Variants in EGFR observed in about 807,000 individuals in gnomAD.
EGFR encodes the protein epidermal growth factor receptor.
EGFR carries 58 observed loss-of-function variants against 143.0 expected under a neutral mutation model. That is an observed-to-expected ratio of 0.41 (90% CI 0.33 to 0.50). The LOEUF (loss-of-function observed/expected upper bound fraction) is 0.50, where lower values mean the gene tolerates loss of function less well. Among genes scored for constraint, EGFR ranks in the 20% least tolerant of loss-of-function variants. The pLI, the probability that EGFR is intolerant of heterozygous loss-of-function variation, is 0.39. For synonymous variants in EGFR, 613 were observed against 594.4 expected (o/e 1.03, Z -0.45); for missense variants, 1,307 against 1,579.0 (o/e 0.83, Z 2.92).
intron 22 of EGFR, among the ~76,000 whole-genome samples, chr7:55,194,195 G>T (rs1787520993): frequency 6.7e-6 from 1 of 150,078 alleles, no homozygotes; most frequent in South Asian, 2.1e-4. Context: ...CCTCATCTAT[G>T]CTCCAGACAG....
At chr7:55,171,026 C>A (rs973247254) in intron 15 of EGFR, 149 bp from the exon 16 acceptor site, 69 of 1,494,702 alleles carry the variant, frequency 4.6e-5, no homozygotes, top group African/African-American at 9.8e-5. Context: ...AAATAATTAA[C>A]CACCAATCCA....
At chr7:55,194,520 A>G (rs73696597) in intron 22 of EGFR, among the ~76,000 whole-genome samples, 3,353 of 152,208 alleles carry the variant, frequency 0.022, 130 homozygotes, top group African/African-American at 0.075. Context: ...CAGACTTTTC[A>G]TTCTCTGCTC....
intron 20 of EGFR, chr7:55,182,007 C>T: frequency 5.0e-6 from 1 of 198,690 alleles, no homozygotes; most frequent in Non-Finnish European, 1.0e-5. Context: ...CAGGCTCGCT[C>T]CAGAGCCAGG....
rs1381365327 is a variant in EGFR, at chr7:55,099,158, G to C, written c.89-43128G>C. On this transcript the variant is annotated intron_variant, in intron 1 of 27. Transcript: ENST00000275493. The stretch of plus-strand genomic sequence containing the variant: ...ACATCGTGGTGGTGGCTTTCTCTGT[G>C]TTCCTCTGTTGATTCAGTCTCTGGA... Among the ~76,000 whole-genome samples, 3 of 152,176 alleles carry C rather than the reference G, an allele frequency of 2.0e-5. No individual in the cohort carries two copies. The East Asian group carries it at 5.8e-4, about 29-fold the overall frequency.
At chr7:55,078,556 T>A (rs1001553342) in intron 1 of EGFR, among the ~76,000 whole-genome samples, 1 of 152,190 alleles carries the variant, frequency 6.6e-6, no homozygotes, top group Non-Finnish European at 1.5e-5. Flanking sequence ...CTGACCTGCG[T>A]CCTTCCGCAC....
At chr7:55,198,081 G>A (rs1787694301) in intron 22 of EGFR, among the ~76,000 whole-genome samples, 1 of 152,116 alleles carries the variant, frequency 6.6e-6, no homozygotes, top group Admixed American at 6.5e-5. Context: ...AATGGTACCA[G>A]CTTTTTTTGT....
At chr7:55,165,102 A>G (rs1036841750) in intron 14 of EGFR, among the ~76,000 whole-genome samples, 178 bp from the exon 15 acceptor site, 1 of 152,236 alleles carries the variant, frequency 6.6e-6, no homozygotes, top group African/African-American at 2.4e-5. Flanking sequence ...TAAGCAACTA[A>G]CAGTGACCAT....
At chr7:55,050,948 C>A (rs930143672) in intron 1 of EGFR, among the ~76,000 whole-genome samples, 1 of 152,226 alleles carries the variant, frequency 6.6e-6, no homozygotes, top group African/African-American at 2.4e-5. Context: ...CTCCTGTGTG[C>A]CCACACAGCT....
intron 1 of EGFR, among the ~76,000 whole-genome samples, chr7:55,136,499 A>G (rs1398942023): frequency 1.3e-5 from 2 of 152,236 alleles, no homozygotes; most frequent in African/African-American, 4.8e-5. Context: ...CAACAAAAAT[A>G]TAAATCCAAC....
chr7:55,173,801 G>T, intron 17 of EGFR, 120 bp from the exon 18 acceptor site: 2 of 1,527,332 alleles, frequency 1.3e-6, no homozygotes, highest in Non-Finnish European at 1.8e-6. Context: ...CAAGTGCCGT[G>T]TCCTGGCACC....
chr7:55,084,932 C>T (rs1377342896), intron 1 of EGFR, among the ~76,000 whole-genome samples: 8 of 152,250 alleles, frequency 5.3e-5, no homozygotes, highest in Middle Eastern at 3.4e-3. Context: ...CAGCCCCATC[C>T]GTGATCTTCC....
intron 1 of EGFR, among the ~76,000 whole-genome samples, chr7:55,066,586 G>T (rs1562684917): frequency 6.6e-6 from 1 of 152,240 alleles, no homozygotes; most frequent in Admixed American, 6.5e-5. Context: ...TCACTGTCGA[G>T]TTTGGTTTGC....
chr7:55,059,858 C>A (rs1789064261), intron 1 of EGFR, among the ~76,000 whole-genome samples: 1 of 152,092 alleles, frequency 6.6e-6, no homozygotes, highest in African/African-American at 2.4e-5. Context: ...AGCAGTCATT[C>A]TCACCGAGAT....
intron 1 of EGFR, among the ~76,000 whole-genome samples, chr7:55,077,977 C>T (rs1790227031): frequency 6.6e-6 from 1 of 152,108 alleles, no homozygotes; most frequent in African/African-American, 2.4e-5. Context: ...CTGCAGGGAC[C>T]GGTGACGCCG....
At position 55,160,458 on chromosome 7, in the gene EGFR, A is replaced by G. The variant is rs889279522; in HGVS notation, c.1498+120A>G. On this transcript the variant is annotated intron_variant, in intron 12 of 27. Coordinates refer to ENST00000275493, the MANE Select transcript of EGFR (RefSeq NM_005228.5). The stretch of plus-strand genomic sequence containing the variant: ...CTTTTTTCAGTTCCTTAAGAAGCAA[A>G]TTAAAATCTTAAGATTCCTAACTGT... 1.6e-5 allele frequency: 17 copies of G among 1,091,524 alleles called. No individual in the cohort carries two copies. The African/African-American group carries it at 1.6e-4, about 10-fold the overall frequency. 67.6% of individuals were successfully genotyped at this position (1,091,524 alleles called of 1,614,324 possible).
Position 55,170,320 on chromosome 7 carries a change from A to G in EGFR, c.1881-855A>G, listed in dbSNP as rs750024622. ...ATCTTTCTCCAGGCCAGGAAATGAG[A>G]GTCTCAAAGCCATGTTATTCTGCCT... On this transcript the variant is annotated intron_variant, in intron 15 of 27. Transcript: ENST00000275493. The G allele has an allele frequency of 2.5e-5, 41 of 1,614,044 alleles. No homozygotes were observed. The Admixed American group carries it at 5.8e-4, about 23-fold the overall frequency.
In EGFR at chr7:55,198,454, T is replaced by G. The variant is rs942753819; in HGVS notation, c.2702-263T>G. ...AGTTTACCACTTATCAGTCACTTAC[T>G]ACTTGCTGGGCATTGCACTAAGCAT... On this transcript the variant is annotated intron_variant, in intron 22 of 27. Coordinates refer to ENST00000275493, the MANE Select transcript of EGFR (RefSeq NM_005228.5). Among the ~76,000 whole-genome samples, 27 of 152,222 alleles carry G rather than the reference T, an allele frequency of 1.8e-4. 1 individual carries two copies. The highest frequency in any genetic ancestry group is 8.8e-5 in the Non-Finnish European group (6 of 68,026).
chr7:55,028,516 G>T (rs1787065209), intron 1 of EGFR, among the ~76,000 whole-genome samples: 1 of 152,060 alleles, frequency 6.6e-6, no homozygotes, highest in Non-Finnish European at 1.5e-5. Context: ...CAAAAACCTG[G>T]TTTTGTTTAT....
chr7:55,157,082 T>C, intron 10 of EGFR: 1 of 912,290 alleles, frequency 1.1e-6, no homozygotes, highest in Non-Finnish European at 1.6e-6. Context: ...CCCAGCCAGC[T>C]GCCTTGGTGG....
Sources: allele counts gnomAD v4.1 joint callset (sites outside exome capture counted in the v4.1 genomes callset), GRCh38; gene constraint gnomAD v4.1.1; transcripts MANE v1.5; gene names NCBI Gene and HGNC (gene_info 2026-07-23, HGNC 2026-07-21).